Variants in CREM observed in about 807,000 individuals in gnomAD.
The protein encoded by CREM is cAMP-responsive element modulator.
CREM carries 13 observed loss-of-function variants against 37.3 expected under a neutral mutation model. The ratio of observed to expected loss-of-function variants is 0.35; its 90% CI spans 0.23 to 0.55. The LOEUF is 0.55. Among genes scored for constraint, CREM ranks in the 20% least tolerant of loss-of-function variants. The pLI is 0.88. For synonymous variants in CREM, 124 were observed against 120.2 expected (o/e 1.03, Z -0.21); for missense variants, 296 against 362.3 (o/e 0.82, Z 1.49).
At chr10:35,145,667 T>C (rs1440571593) in intron 2 of CREM, among the ~76,000 whole-genome samples, 1 of 147,944 alleles carries the variant, frequency 6.8e-6, no homozygotes, top group Non-Finnish European at 1.5e-5. Flanking sequence ...TAATCCCAGC[T>C]ACGTGGGAGG....
chr10:35,170,702 T>TATTCTCTGATGGTAGTTTGTA (rs2093771037), intron 3 of CREM, among the ~76,000 whole-genome samples: 1 of 152,210 alleles, frequency 6.6e-6, no homozygotes, highest in Non-Finnish European at 1.5e-5. Context: ...GTGTTTATAG[T>TATTCTCTGATGGTAGTTTGTA]ATTCTCTGAT....
intron 1 of CREM, among the ~76,000 whole-genome samples, chr10:35,134,487 G>A (rs532344922): frequency 6.6e-6 from 1 of 152,190 alleles, no homozygotes; most frequent in Non-Finnish European, 1.5e-5. Flanking sequence ...AGAGTGCTGG[G>A]ATTACAGGGG....
intron 3 of CREM, chr10:35,167,913 C>G (rs2093631141): frequency 3.2e-6 from 3 of 948,778 alleles, no homozygotes; most frequent in South Asian, 1.5e-5. Context: ...GTTTTTTGTT[C>G]TTGCGATAGT....
At chr10:35,179,086 G>A (rs771541954) in intron 4 of CREM, 48 bp from the exon 5 acceptor site, 10 of 1,555,558 alleles carry the variant, frequency 6.4e-6, no homozygotes, top group Non-Finnish European at 7.9e-6. Flanking sequence ...TCTGTTTTAA[G>A]ACTTATTCAT....
intron 3 of CREM, among the ~76,000 whole-genome samples, chr10:35,171,556 G>C (rs1316013555): frequency 2.0e-5 from 3 of 152,174 alleles, no homozygotes; most frequent in African/African-American, 7.2e-5. Context: ...ATGCCTATCA[G>C]ATGCCCATGA....
At chr10:35,172,110 T>C (rs9665538) in intron 3 of CREM, among the ~76,000 whole-genome samples, 51,841 of 152,006 alleles carry the variant, frequency 0.34, 8,894 homozygotes, top group South Asian at 0.35. Flanking sequence ...GAAGTCTTCT[T>C]TTTGTGTTAA....
intron 3 of CREM, among the ~76,000 whole-genome samples, chr10:35,163,349 T>G (rs1006896059): frequency 1.3e-5 from 2 of 152,170 alleles, no homozygotes; most frequent in East Asian, 3.9e-4. Context: ...TTCCTAGAGC[T>G]TTCTCATTTT....
chr10:35,157,140 A>T (rs2092963793), intron 3 of CREM, among the ~76,000 whole-genome samples: 1 of 152,346 alleles, frequency 6.6e-6, no homozygotes, highest in Non-Finnish European at 1.5e-5. Context: ...TGAAGGAAAA[A>T]GACCATATCA....
At chr10:35,207,168 G>T (rs377712319) in intron 7 of CREM, 117 bp downstream of exon 7, 1 of 975,132 alleles carries the variant, frequency 1.0e-6, no homozygotes, top group East Asian at 3.1e-5. Flanking sequence ...CAAGGCAGGC[G>T]GATCACAGGG....
Position 35,193,174 on chromosome 10 carries a change from A to G in CREM, c.598+4786A>G, listed in dbSNP as rs913835879. ...CTAGATGGTAAGTTCTATTTGGACAAATACCTAGCACAGACCCTGGCATGT... is the reference window on the plus strand; with the variant it reads ...CTAGATGGTAAGTTCTATTTGGACAGATACCTAGCACAGACCCTGGCATGT... On this transcript the variant is annotated intron_variant, in intron 6 of 7. Transcript: ENST00000685392. 7.2e-5 allele frequency among the ~76,000 whole-genome samples: 11 copies of G among 152,266 alleles called. No individual in the cohort carries two copies. In the East Asian group the frequency reaches 9.6e-4, roughly 13 times the overall value.
At chr10:35,166,321 G>A (rs1164760272) in intron 3 of CREM, among the ~76,000 whole-genome samples, 1 of 152,108 alleles carries the variant, frequency 6.6e-6, no homozygotes, top group Admixed American at 6.6e-5. Flanking sequence ...TCAGCACTTT[G>A]GGAGGCCAAG....
At chr10:35,198,393 C>T (rs770179062) in intron 6 of CREM, among the ~76,000 whole-genome samples, 7 of 151,754 alleles carry the variant, frequency 4.6e-5, no homozygotes, top group Non-Finnish European at 8.8e-5. Context: ...CGTGGTGGCA[C>T]GCGCCTGTAA....
chr10:35,181,848 C>T lies in CREM; in HGVS notation c.409+2572C>T, dbSNP rs193096135. On this transcript the variant is annotated intron_variant, in intron 5 of 7. Transcript: ENST00000685392. ...TGATTGCACCACTGCACTGTCCAAC[C>T]TGGGCAGCAGAGTGAGACTCTGTCT... Among the ~76,000 whole-genome samples, 4 of 152,290 alleles carry T rather than the reference C, an allele frequency of 2.6e-5. No individual in the cohort carries two copies. In the East Asian group the frequency reaches 7.7e-4, roughly 29 times the overall value.
At chr10:35,164,530 C>A (rs945317994) in intron 3 of CREM, among the ~76,000 whole-genome samples, 1 of 152,106 alleles carries the variant, frequency 6.6e-6, no homozygotes, top group Admixed American at 6.5e-5. Flanking sequence ...TAGATTTCTC[C>A]TAGATATTTT....
At chr10:35,196,414 T>TTG in intron 6 of CREM, 1 of 364,064 alleles carries the variant, frequency 2.7e-6, no homozygotes. Flanking sequence ...TTCAGTGGTC[T>TTG]TGTTTGTAAT....
At chr10:35,198,792 A>G (rs1483306464) in intron 6 of CREM, among the ~76,000 whole-genome samples, 1 of 152,254 alleles carries the variant, frequency 6.6e-6, no homozygotes, top group Non-Finnish European at 1.5e-5. Context: ...GAATAAGGAT[A>G]TATATCACCT....
At chr10:35,194,097 C>CAGAAAAAAAAAAA (rs2095041366) in intron 6 of CREM, among the ~76,000 whole-genome samples, 1 of 25,052 alleles carries the variant, frequency 4.0e-5, no homozygotes, top group East Asian at 1.5e-3. Flanking sequence ...GACTTCATCT[C>CAGAAAAAAAAAAA]AAAAAAAAAA....
chr10:35,164,857 C>T (rs948811465), intron 3 of CREM, among the ~76,000 whole-genome samples: 5 of 152,080 alleles, frequency 3.3e-5, no homozygotes, highest in African/African-American at 1.2e-4. Context: ...CGAGACGAGC[C>T]TGGCCAACAT....
rs200176261 is a variant in CREM at position 35,189,481 on chromosome 10, TTTGC to T, written c.598+1101_598+1104del. ...AGGATATAGCACTATTTTTTAAAAA[TTTGC>T]TTGCTTGTTTGTTTGTTTGTTTATT... On this transcript the variant is annotated intron_variant, in intron 6 of 7. Transcript: ENST00000685392. Among the ~76,000 whole-genome samples the T allele has an allele frequency of 6.1e-3, 930 of 151,320 alleles. 12 individuals carry two copies. The highest frequency in any genetic ancestry group is 0.021 in the African/African-American group (870 of 41,416).
Sources: gnomAD v4.1 joint callset for allele counts (sites outside exome capture counted in the v4.1 genomes callset) on GRCh38, gnomAD v4.1.1 for gene constraint, MANE v1.5 for transcripts, NCBI Gene and HGNC (gene_info 2026-07-23, HGNC 2026-07-21) for gene names.